The following CDH18 variants were observed in gnomAD, a reference collection of about 807,000 sequenced individuals.
CDH18 encodes the protein cadherin-18.
In CDH18, 31 loss-of-function variants were observed where a neutral mutation model predicts 67.9. The ratio of observed to expected loss-of-function variants is 0.46; its 90% CI spans 0.34 to 0.62. The LOEUF (loss-of-function observed/expected upper bound fraction) is 0.62, where lower values mean the gene tolerates loss of function less well. Ranked by LOEUF, CDH18 falls within the 20% of genes least tolerant of loss-of-function variation. The probability of loss-of-function intolerance (pLI) is 0.01; values close to 1 mark genes in which losing one functional copy is unlikely to be tolerated. For missense variants in CDH18, 890 were observed against 975.5 expected (o/e 0.91, Z 1.17); for synonymous variants, 362 against 347.2 (o/e 1.04, Z -0.48).
rs1753352966 is a variant in CDH18, at chr5:20,488,528, T to C, written c.-580+86934A>G. The stretch of plus-strand genomic sequence containing the variant: ...ATGTTGTTTCCATCCATTAAAATGA[T>C]CTCTTCCCAAAACTACTTAAAACAA... On this transcript the variant is annotated intron_variant, in intron 1 of 14. Transcript: ENST00000507958. Among the ~76,000 whole-genome samples the C allele has an allele frequency of 2.0e-5, 3 of 152,152 alleles. No homozygotes were observed. The South Asian group carries it at 6.2e-4, about 32-fold the overall frequency.
intron 2 of CDH18, among the ~76,000 whole-genome samples, chr5:20,218,720 C>A (rs577352279): frequency 2.0e-5 from 3 of 151,928 alleles, no homozygotes; most frequent in Non-Finnish European, 4.4e-5. Context: ...GTATCTTCCT[C>A]ATTTTGCTCT....
intron 1 of CDH18, among the ~76,000 whole-genome samples, chr5:20,387,227 G>A (rs1392967544): frequency 6.6e-6 from 1 of 152,088 alleles, no homozygotes; most frequent in African/African-American, 2.4e-5. Flanking sequence ...CCACTTGTTT[G>A]TATCCTTTAT....
At position 20,353,171 on chromosome 5, in the gene CDH18, C is replaced by T. The variant is rs192514769; in HGVS notation, c.-579-97666G>A. On this transcript the variant is annotated intron_variant, in intron 1 of 14. Coordinates refer to the CDH18 transcript ENST00000507958. ...TGGTCCTTCATATGTGAGTTACTTA[C>T]AACAGCCTCCACTTTGCTTTTCAAT... is the stretch of plus-strand genomic sequence containing the variant. 1.6e-3 allele frequency among the ~76,000 whole-genome samples: 236 copies of T among 152,238 alleles called. 1 individual carries two copies. The highest frequency in any genetic ancestry group is 0.014 in the Admixed American group (221 of 15,292).
intron 1 of CDH18, among the ~76,000 whole-genome samples, chr5:20,494,227 C>T (rs1475873959): frequency 1.3e-5 from 2 of 151,936 alleles, no homozygotes; most frequent in Non-Finnish European, 2.9e-5. Flanking sequence ...GTGGAATAGA[C>T]TCCAAAATGA....
At chr5:19,872,535 TGAA>T (rs1296043372) in intron 2 of CDH18, among the ~76,000 whole-genome samples, 10 of 152,144 alleles carry the variant, frequency 6.6e-5, no homozygotes, top group Non-Finnish European at 8.8e-5. Flanking sequence ...CTACTGGCCT[TGAA>T]GATGCAAGCT....
At chr5:19,515,249 C>T (rs1027979437) in intron 10 of CDH18, among the ~76,000 whole-genome samples, 1 of 152,106 alleles carries the variant, frequency 6.6e-6, no homozygotes, top group Non-Finnish European at 1.5e-5. Flanking sequence ...GTTACTGTAG[C>T]CTTGTAGTAT....
intron 5 of CDH18, among the ~76,000 whole-genome samples, chr5:19,638,557 CT>C (rs1014865375): frequency 1.5e-4 from 20 of 133,998 alleles, no homozygotes; most frequent in South Asian, 4.8e-4. Flanking sequence ...TTTTTTTTTT[CT>C]TTTTTTTTTA....
chr5:19,978,516 C>T lies in CDH18; in HGVS notation c.-257+2544G>A, dbSNP rs78223294. Among the ~76,000 whole-genome samples, 18 of 152,104 alleles carry T rather than the reference C, an allele frequency of 1.2e-4. No individual in the cohort carries two copies. In the East Asian group the frequency reaches 2.9e-3, roughly 25 times the overall value. On this transcript the variant is annotated intron_variant, in intron 2 of 12. Coordinates refer to ENST00000382275, the MANE Select transcript of CDH18 (RefSeq NM_004934.5). ...TTAGTTTCCCATTGCCAGAAAGCACCACAAATTTAGTGCTTTAAAAAAACA... is the reference window on the plus strand; with the variant it reads ...TTAGTTTCCCATTGCCAGAAAGCACTACAAATTTAGTGCTTTAAAAAAACA...
intron 2 of CDH18, among the ~76,000 whole-genome samples, chr5:20,144,925 C>T (rs2126540065): frequency 6.6e-6 from 1 of 152,214 alleles, no homozygotes; most frequent in Non-Finnish European, 1.5e-5. Flanking sequence ...TGATGCTCTA[C>T]CAGCCAAGGA....
At chr5:20,220,074 C>G (rs967802148) in intron 2 of CDH18, among the ~76,000 whole-genome samples, 2 of 151,876 alleles carry the variant, frequency 1.3e-5, no homozygotes, top group African/African-American at 4.8e-5. Context: ...AGATTCAAAG[C>G]AATCCCTATG....
At chr5:19,952,492 A>G (rs951445116) in intron 2 of CDH18, among the ~76,000 whole-genome samples, 7 of 152,156 alleles carry the variant, frequency 4.6e-5, no homozygotes, top group Non-Finnish European at 8.8e-5. Flanking sequence ...AGCCAAATAT[A>G]TATGATACAC....
intron 6 of CDH18, among the ~76,000 whole-genome samples, chr5:19,605,632 C>A (rs1463264424): frequency 2.0e-5 from 3 of 151,918 alleles, no homozygotes; most frequent in Non-Finnish European, 4.4e-5. Flanking sequence ...CTAAAAGATG[C>A]ATAGTATATA....
At chr5:20,420,242 C>T (rs985708982) in intron 1 of CDH18, among the ~76,000 whole-genome samples, 5 of 151,202 alleles carry the variant, frequency 3.3e-5, no homozygotes, top group Non-Finnish European at 5.9e-5. Flanking sequence ...GCTCTCTGCA[C>T]GAAACGTGGT....
At chr5:19,549,569 A>G (rs1736971320) in intron 8 of CDH18, among the ~76,000 whole-genome samples, 1 of 150,134 alleles carries the variant, frequency 6.7e-6, no homozygotes, top group Non-Finnish European at 1.5e-5. Context: ...ATATTAAAAA[A>G]GAGAGAATAT....
intron 1 of CDH18, among the ~76,000 whole-genome samples, chr5:20,490,586 T>C (rs978958207): frequency 2.6e-5 from 4 of 152,088 alleles, no homozygotes; most frequent in African/African-American, 4.8e-5. Flanking sequence ...AAGACTATTA[T>C]AGATAAGTTG....
intron 1 of CDH18, among the ~76,000 whole-genome samples, chr5:20,468,049 TTGTTGCCC>T (rs1260206101): frequency 3.3e-5 from 5 of 151,726 alleles, no homozygotes; most frequent in Non-Finnish European, 7.4e-5. Context: ...GAGTCTAACT[TTGTTGCCC>T]AGGCTGGAGT....
chr5:20,307,280 T>C (rs75969828), intron 1 of CDH18, among the ~76,000 whole-genome samples: 3 of 139,204 alleles, frequency 2.2e-5, no homozygotes, highest in Admixed American at 2.1e-4. Context: ...CACCAATAGA[T>C]TTTTTTTTTT....
At chr5:20,266,571 ATTTTTTT>A (rs34718835) in intron 1 of CDH18, among the ~76,000 whole-genome samples, 3 of 59,186 alleles carry the variant, frequency 5.1e-5, no homozygotes, top group Admixed American at 5.8e-4. Context: ...GCCCGGCTGA[ATTTTTTT>A]TTTTTTTTTT....
intron 2 of CDH18, among the ~76,000 whole-genome samples, chr5:20,021,511 C>T (rs998069311): frequency 6.6e-6 from 1 of 152,042 alleles, no homozygotes; most frequent in African/African-American, 2.4e-5. Flanking sequence ...TGGATTTCCC[C>T]CTTGCTGTTC....
Sources: gnomAD v4.1 joint callset for allele counts (sites outside exome capture counted in the v4.1 genomes callset) on GRCh38, gnomAD v4.1.1 for gene constraint, MANE v1.5 for transcripts, NCBI Gene and HGNC (gene_info 2026-07-23, HGNC 2026-07-21) for gene names.